The following SIPA1L2 variants were observed in gnomAD, a reference collection of about 807,000 sequenced individuals.
The protein encoded by SIPA1L2 is signal induced proliferation associated 1 like 2.
In SIPA1L2, 56 loss-of-function variants were observed where a neutral mutation model predicts 163.9. That is an observed-to-expected ratio of 0.34 (90% confidence interval 0.28 to 0.43). The LOEUF is 0.43. SIPA1L2 is among the 20% of genes least tolerant of loss of function. SIPA1L2 has a pLI of 1.00. For missense variants in SIPA1L2, 1,974 were observed against 2,193.5 expected, an observed-to-expected ratio of 0.90 and a Z score of 2.00; for synonymous variants, 877 against 865.7, an observed-to-expected ratio of 1.01 and a Z score of -0.23.
intron 12 of SIPA1L2, 23 bp from the exon 13 acceptor site, chr1:232,441,891 C>A (rs971921160): frequency 6.3e-7 from 1 of 1,594,288 alleles, no homozygotes; most frequent in Non-Finnish European, 8.6e-7. Flanking sequence ...CAGAGTTGAG[C>A]CTGTCCTTTC....
chr1:232,597,378 A>T (rs1441016992), intron 1 of SIPA1L2, among the ~76,000 whole-genome samples: 1 of 152,000 alleles, frequency 6.6e-6, no homozygotes, highest in Non-Finnish European at 1.5e-5. Flanking sequence ...ACATCAACCT[A>T]AAGAAGTAAC....
intron 2 of SIPA1L2, among the ~76,000 whole-genome samples, chr1:232,554,382 C>T (rs562944826): frequency 6.6e-6 from 1 of 152,232 alleles, no homozygotes; most frequent in South Asian, 2.1e-4. Flanking sequence ...AGTGGCTGTG[C>T]TAAAAGAAGG....
chr1:232,480,156 T>TGTGC (rs1665262142), intron 6 of SIPA1L2, among the ~76,000 whole-genome samples: 1 of 104,254 alleles, frequency 9.6e-6, no homozygotes, highest in South Asian at 2.9e-4. Context: ...TGTGTGTGCG[T>TGTGC]GTGTGTGTGT....
At chr1:232,576,010 C>T (rs888460074) in intron 1 of SIPA1L2, among the ~76,000 whole-genome samples, 4 of 152,014 alleles carry the variant, frequency 2.6e-5, no homozygotes, top group African/African-American at 9.7e-5. Flanking sequence ...CGGTGGCTGC[C>T]AGGGATTGGG....
rs199562034 is a variant in SIPA1L2, at chr1:232,399,097, C to T, written c.*30G>A. ...ACTTCAAAGGGACAAGGGGCATTTC[C>T]CAGTGGTCCCTTGATGAGGTGCGGA... is the stretch of plus-strand genomic sequence containing the variant. On this transcript the variant is annotated 3_prime_UTR_variant, in exon 23 of 23. Transcript: ENST00000674635. 6.2e-7 allele frequency: 1 copy of T among 1,613,632 alleles called. No homozygotes were observed. Among genetic ancestry groups the T allele is most frequent in the Non-Finnish European group, 8.5e-7 (1 of 1,179,752 alleles).
At chr1:232,399,814 T>C (rs1204681321) in intron 22 of SIPA1L2, among the ~76,000 whole-genome samples, 1 of 152,130 alleles carries the variant, frequency 6.6e-6, no homozygotes, top group Non-Finnish European at 1.5e-5. Flanking sequence ...GTTTCCAACA[T>C]GTAGCAATAA....
At chr1:232,524,767 C>A (rs760275354) in intron 2 of SIPA1L2, among the ~76,000 whole-genome samples, 1 of 151,966 alleles carries the variant, frequency 6.6e-6, no homozygotes, top group Non-Finnish European at 1.5e-5. Flanking sequence ...AGGCATGAAA[C>A]AAAGTATGTT....
intron 2 of SIPA1L2, among the ~76,000 whole-genome samples, chr1:232,552,935 C>T (rs966787646): frequency 3.3e-5 from 5 of 152,154 alleles, no homozygotes; most frequent in African/African-American, 1.2e-4. Context: ...TCCAGCCACA[C>T]AGCTGCATCT....
chr1:232,410,182 C>T (rs545853968), intron 19 of SIPA1L2, among the ~76,000 whole-genome samples: 3 of 152,182 alleles, frequency 2.0e-5, no homozygotes, highest in African/African-American at 7.2e-5. Flanking sequence ...TGCTTATAAA[C>T]ATTTTCTATT....
intron 1 of SIPA1L2, among the ~76,000 whole-genome samples, chr1:232,588,551 T>C (rs1420983130): frequency 6.6e-6 from 1 of 152,340 alleles, no homozygotes; most frequent in East Asian, 1.9e-4. Flanking sequence ...TTAAAGTTCA[T>C]AGATAGGGTT....
intron 1 of SIPA1L2, among the ~76,000 whole-genome samples, chr1:232,623,641 T>G (rs1043891918): frequency 1.3e-5 from 2 of 151,892 alleles, no homozygotes; most frequent in Non-Finnish European, 2.9e-5. Flanking sequence ...AAAAAACAGC[T>G]GAGTTCAATT....
intron 2 of SIPA1L2, among the ~76,000 whole-genome samples, chr1:232,534,834 G>A (rs116774174): frequency 0.01 from 1,585 of 152,228 alleles, 40 homozygotes; most frequent in South Asian, 0.081. Context: ...CGTTAACACT[G>A]CTCCCCTGAC....
intron 1 of SIPA1L2, among the ~76,000 whole-genome samples, chr1:232,577,554 CT>C (rs1274098845): frequency 6.6e-6 from 1 of 152,082 alleles, no homozygotes; most frequent in Non-Finnish European, 1.5e-5. Context: ...AACCGAAACC[CT>C]TTTAAAATCA....
intron 2 of SIPA1L2, among the ~76,000 whole-genome samples, chr1:232,555,105 A>C (rs1034298560): frequency 1.3e-5 from 2 of 152,240 alleles, no homozygotes; most frequent in Non-Finnish European, 2.9e-5. Flanking sequence ...TCTAGGTTCT[A>C]AATCACATCA....
intron 1 of SIPA1L2, among the ~76,000 whole-genome samples, chr1:232,588,615 A>G (rs1401321992): frequency 1.3e-5 from 2 of 152,222 alleles, no homozygotes; most frequent in African/African-American, 4.8e-5. Context: ...CTCTAGTGTT[A>G]TATCAAAGAA....
intron 9 of SIPA1L2, among the ~76,000 whole-genome samples, chr1:232,462,818 T>C (rs1020577764): frequency 1.3e-5 from 2 of 152,224 alleles, no homozygotes; most frequent in African/African-American, 4.8e-5. Context: ...GGCTGAGCCT[T>C]TCCAGAGTCC....
At position 232,425,606 on chromosome 1, in the gene SIPA1L2, C is replaced by T. The variant is rs1310546346; in HGVS notation, c.4613G>A (p.Ser1538Asn). 1 of 1,594,116 alleles carries T rather than the reference C, an allele frequency of 6.3e-7. No individual in the cohort carries two copies. Residue 1538 changes from serine to asparagine, a missense_variant, in exon 18 of 23, where the codon AGC becomes AAC. Transcript: ENST00000674635. Reference sequence around the variant, plus strand: ...TCACTTACTTCTCAGGCTCCCCATGCTGGGTGCGGGGTGGGCCCGCGGAGG... The same window carrying T: ...TCACTTACTTCTCAGGCTCCCCATGTTGGGTGCGGGGTGGGCCCGCGGAGG... ...TLPPRAHPAP[S>N]MGSLRNEFWF...
chr1:232,598,532 C>T (rs1000551554), intron 1 of SIPA1L2, among the ~76,000 whole-genome samples: 3 of 152,158 alleles, frequency 2.0e-5, no homozygotes, highest in Non-Finnish European at 4.4e-5. Context: ...GTTCAAGCTG[C>T]TATAACAAAA....
chr1:232,457,639 T>C (rs1191926769), intron 10 of SIPA1L2, among the ~76,000 whole-genome samples: 1 of 152,234 alleles, frequency 6.6e-6, no homozygotes, highest in Non-Finnish European at 1.5e-5. Flanking sequence ...TGTTGCTATA[T>C]GGTTAACAGT....
Sources: allele counts gnomAD v4.1 joint callset (sites outside exome capture counted in the v4.1 genomes callset), GRCh38; gene constraint gnomAD v4.1.1; transcripts MANE v1.5; gene names NCBI Gene and HGNC (gene_info 2026-07-23, HGNC 2026-07-21).